The following CFAP92 variants were observed in gnomAD, a reference collection of about 807,000 sequenced individuals.
CFAP92 encodes cilia and flagella associated protein 92 (putative).
A neutral mutation model predicts 106.3 loss-of-function variants in CFAP92; 86 were observed. That is an observed-to-expected ratio of 0.81 (90% CI 0.68 to 0.97). The LOEUF (loss-of-function observed/expected upper bound fraction) is 0.97, where lower values mean the gene tolerates loss of function less well. Among genes scored for constraint, CFAP92 ranks in the 50% least tolerant of loss-of-function variants. CFAP92 has a pLI of 0.00. For synonymous variants in CFAP92, 477 were observed against 506.4 expected (o/e 0.94, Z 0.78); for missense variants, 1,204 against 1,283.8 (o/e 0.94, Z 0.95).
chr3:128,915,255 CAG>C lies in CFAP92; in HGVS notation c.3142_3143del (p.Leu1048ValfsTer3), dbSNP rs149138641. On this transcript the variant is annotated frameshift_variant, in exon 15 of 16. Transcript: ENST00000645291. LOFTEE classifies it high-confidence loss of function. ...ACACAGGCTCCAGTACATTAGCAAA[CAG>C]GGAGTTTTCCTTCCACTCCTAAATT... ...ELNEEWKENS[L>X]FANVLEPVLD... 5.5e-3 allele frequency: 8,418 copies of C among 1,536,194 alleles called. 31 individuals are homozygous for C. Among genetic ancestry groups the C allele is most frequent in the Non-Finnish European group, 6.3e-3 (7,198 of 1,146,924 alleles).
intron 2 of CFAP92, chr3:128,991,797 A>G: frequency 1.0e-6 from 1 of 990,744 alleles, no homozygotes; most frequent in Non-Finnish European, 1.2e-6. Flanking sequence ...CACCATCGAC[A>G]GAATACCAGG....
chr3:129,005,566 A>C (rs1010125526), upstream of CFAP92, among the ~76,000 whole-genome samples: 6 of 152,270 alleles, frequency 3.9e-5, no homozygotes, highest in African/African-American at 1.2e-4. Context: ...CCCTGGCTAC[A>C]ATGTGACAAA....
At chr3:128,994,079 G>C (rs1477137453), upstream of CFAP92, 1 of 985,754 alleles carries the variant, frequency 1.0e-6, no homozygotes, top group Non-Finnish European at 1.2e-6. Flanking sequence ...CCAAGACTGA[G>C]AGGAGCGTCC....
the CFAP92 span, among the ~76,000 whole-genome samples, chr3:129,014,841 G>A: frequency 6.6e-6 from 1 of 152,108 alleles, no homozygotes; most frequent in African/African-American, 2.4e-5. The surrounding 1 kb of genome is among the most constrained non-coding windows in gnomAD (Gnocchi z 4.3). Flanking sequence ...CCTGGATGCC[G>A]AGGGGCCAGT....
upstream of CFAP92, among the ~76,000 whole-genome samples, chr3:129,005,907 G>A (rs1218780978): frequency 6.6e-6 from 1 of 152,262 alleles, no homozygotes; most frequent in Non-Finnish European, 1.5e-5. Flanking sequence ...TTATCCAAGA[G>A]GAGAAATAAA....
upstream of CFAP92, among the ~76,000 whole-genome samples, chr3:129,006,901 G>A (rs538504969): frequency 5.9e-5 from 9 of 152,192 alleles, no homozygotes; most frequent in Non-Finnish European, 1.3e-4. Flanking sequence ...TGAAAAGAAG[G>A]AAAAGGAGAG....
chr3:128,961,290 T>G (rs966585764), intron 9 of CFAP92, among the ~76,000 whole-genome samples: 11 of 152,034 alleles, frequency 7.2e-5, no homozygotes, highest in African/African-American at 2.2e-4. Context: ...GGGCAACTCC[T>G]CCCAAATCTT....
chr3:129,019,201 G>C, the CFAP92 span, among the ~76,000 whole-genome samples: 1 of 152,246 alleles, frequency 6.6e-6, no homozygotes, highest in African/African-American at 2.4e-5. Flanking sequence ...ATTCTTGAGT[G>C]GTCCTCCGTT....
At chr3:129,018,172 G>A in the CFAP92 span, among the ~76,000 whole-genome samples, 1 of 152,092 alleles carries the variant, frequency 6.6e-6, no homozygotes, top group Non-Finnish European at 1.5e-5. Flanking sequence ...GCTGGCCTTG[G>A]GAGTAAAGAT....
chr3:128,951,540 A>G (rs1342849257), intron 9 of CFAP92, among the ~76,000 whole-genome samples: 1 of 152,210 alleles, frequency 6.6e-6, no homozygotes, highest in Non-Finnish European at 1.5e-5. Flanking sequence ...TGAAAAGTAC[A>G]GAAAAGGTGT....
At chr3:128,976,923 G>A in intron 6 of CFAP92, 56 bp downstream of exon 6, 1 of 1,332,026 alleles carries the variant, frequency 7.5e-7, no homozygotes, top group Middle Eastern at 1.8e-4. Flanking sequence ...ACTCATAGTA[G>A]GGCTAGTACA....
chr3:128,924,946 C>A (rs1937555054), intron 12 of CFAP92, among the ~76,000 whole-genome samples: 1 of 152,212 alleles, frequency 6.6e-6, no homozygotes, highest in Non-Finnish European at 1.5e-5. Context: ...GAACTTGGGA[C>A]CTTCACAGCC....
At chr3:129,018,061 T>C in the CFAP92 span, among the ~76,000 whole-genome samples, 1 of 152,344 alleles carries the variant, frequency 6.6e-6, no homozygotes, top group Middle Eastern at 3.4e-3. Flanking sequence ...AGAGGGTCCC[T>C]GTGCCCCTCA....
intron 15 of CFAP92, chr3:128,910,595 A>G (rs969021069): frequency 1.1e-6 from 1 of 912,032 alleles, no homozygotes; most frequent in South Asian, 1.3e-5. Context: ...CAGGGCTGGA[A>G]TTAGAACCCA....
intron 12 of CFAP92, among the ~76,000 whole-genome samples, chr3:128,919,364 C>G (rs1200149630): frequency 6.6e-6 from 1 of 152,014 alleles, no homozygotes; most frequent in Non-Finnish European, 1.5e-5. Context: ...AAAACAAAGA[C>G]AAAAAAGCTG....
At chr3:128,959,151 G>A (rs1941673290) in intron 9 of CFAP92, among the ~76,000 whole-genome samples, 2 of 151,910 alleles carry the variant, frequency 1.3e-5, no homozygotes, top group South Asian at 2.1e-4. Flanking sequence ...TGGAGGTTGT[G>A]GTGAGCTGAG....
chr3:128,945,250 G>T lies in CFAP92; in HGVS notation c.2079C>A (p.Tyr693Ter). 2 of 1,536,152 alleles carry T rather than the reference G, an allele frequency of 1.3e-6. No individual in the cohort carries two copies. Among genetic ancestry groups the T allele is most frequent in the Non-Finnish European group, 1.7e-6 (2 of 1,146,912 alleles). The change falls in exon 10 of 16, where the codon TAC becomes TAA. Residue 693 changes from tyrosine (Y) to a stop codon, truncating the protein, a stop_gained. Coordinates refer to ENST00000645291, the MANE Select transcript of CFAP92 (RefSeq NM_001394090.1). LOFTEE classifies it high-confidence loss of function. ...GGATCTGCTGCAGGGTCCTGACAGGGTAGGAGTCCAGGCCGAGGGCCTTAG... is the reference window on the plus strand; with the variant it reads ...GGATCTGCTGCAGGGTCCTGACAGGTTAGGAGTCCAGGCCGAGGGCCTTAG... ...INAKALGLDS[Y>*]PVRTLQQILS... is the part of the protein sequence containing the mutation.
chr3:128,918,393 A>T (rs911437603), intron 12 of CFAP92, among the ~76,000 whole-genome samples: 6 of 152,204 alleles, frequency 3.9e-5, no homozygotes, highest in Non-Finnish European at 7.3e-5. Flanking sequence ...GAATCGCTTG[A>T]ATCCAGGAGG....
intron 2 of CFAP92, chr3:128,991,699 G>A: frequency 2.2e-6 from 2 of 923,086 alleles, no homozygotes; most frequent in Non-Finnish European, 2.6e-6. Flanking sequence ...CCTGCACCAA[G>A]GCGTTCATTG....
Sources: gnomAD v4.1 joint callset for allele counts (sites outside exome capture counted in the v4.1 genomes callset) on GRCh38, gnomAD v4.1.1 for gene constraint, Gnocchi (gnomAD v3.1) non-coding constraint, MANE v1.5 for transcripts, NCBI Gene and HGNC (gene_info 2026-07-23, HGNC 2026-07-21) for gene names.